Variants in FAM135B observed in about 807,000 individuals in gnomAD.
FAM135B encodes the protein protein FAM135B.
FAM135B carries 43 observed loss-of-function variants against 127.7 expected under a neutral mutation model. The ratio of observed to expected loss-of-function variants is 0.34; its 90% CI spans 0.26 to 0.43. FAM135B has a LOEUF of 0.43. FAM135B is among the 20% of genes least tolerant of loss of function. The probability of loss-of-function intolerance (pLI) is 1.00; values close to 1 mark genes in which losing one functional copy is unlikely to be tolerated. For synonymous variants in FAM135B, 670 were observed against 665.1 expected (o/e 1.01, Z -0.11); for missense variants, 1,558 against 1,725.6 (o/e 0.90, Z 1.72).
chr8:138,337,431 T>G (rs1378314516), intron 2 of FAM135B, among the ~76,000 whole-genome samples: 3 of 151,914 alleles, frequency 2.0e-5, no homozygotes, highest in Non-Finnish European at 4.4e-5. Context: ...AAAATCAATG[T>G]ACAAAAATCA....
chr8:138,178,687 A>G lies in FAM135B; in HGVS notation c.877T>C (p.Leu293=). 6.2e-7 allele frequency: 1 copy of G among 1,605,956 alleles called. No individual in the cohort carries two copies. Among genetic ancestry groups the G allele is most frequent in the Non-Finnish European group, 8.5e-7 (1 of 1,175,756 alleles). The stretch of plus-strand genomic sequence containing the variant: ...TCAGCGATCTTCTCTGGATTGTTCA[A>G]CATCTGGAGAGGCAAAAAAGGTGGT... The part of the protein sequence containing the change: ...LSQLCSELQM[L]NNPEKIAEQI... Residue 293 remains leucine, a synonymous_variant, in exon 10 of 20, where the codon TTG becomes CTG. Transcript: ENST00000395297.
At chr8:138,485,679 G>A (rs1814956457) in intron 1 of FAM135B, among the ~76,000 whole-genome samples, 1 of 152,084 alleles carries the variant, frequency 6.6e-6, no homozygotes, top group African/African-American at 2.4e-5. Flanking sequence ...TCAGGTTATT[G>A]GGAAAAGTAC....
At chr8:138,448,080 G>A (rs1836292866) in intron 1 of FAM135B, among the ~76,000 whole-genome samples, 1 of 151,576 alleles carries the variant, frequency 6.6e-6, no homozygotes, top group African/African-American at 2.4e-5. Flanking sequence ...GAAGTCATAT[G>A]GCACAGAGCA....
intron 9 of FAM135B, among the ~76,000 whole-genome samples, chr8:138,193,916 G>A (rs1407132696): frequency 2.0e-5 from 3 of 152,206 alleles, no homozygotes. Flanking sequence ...TGGCTTTGAC[G>A]CTTCTGGCCC....
chr8:138,453,979 T>C (rs916772898), intron 1 of FAM135B, among the ~76,000 whole-genome samples: 15 of 151,330 alleles, frequency 9.9e-5, no homozygotes, highest in African/African-American at 3.6e-4. Flanking sequence ...TTGGGGAGAG[T>C]GTGTGGCTTT....
intron 2 of FAM135B, among the ~76,000 whole-genome samples, chr8:138,319,351 C>T (rs191255899): frequency 2.1e-4 from 32 of 152,270 alleles, no homozygotes; most frequent in African/African-American, 7.2e-4. Context: ...AGGTGATCTC[C>T]CTGCCTTGGC....
At chr8:138,290,032 AC>A (rs1824987022) in intron 3 of FAM135B, among the ~76,000 whole-genome samples, 1 of 152,202 alleles carries the variant, frequency 6.6e-6, no homozygotes, top group Non-Finnish European at 1.5e-5. Context: ...TGTCAGGAAG[AC>A]ATTCTCCAGA....
At chr8:138,447,929 C>G (rs11166823) in intron 1 of FAM135B, among the ~76,000 whole-genome samples, 56,722 of 151,414 alleles carry the variant, frequency 0.37, 11,805 homozygotes, top group Non-Finnish European at 0.48. Context: ...CTGTATCATA[C>G]GTGACCATAC....
At chr8:138,484,382 C>T (rs73444347) in intron 1 of FAM135B, among the ~76,000 whole-genome samples, 15,163 of 152,128 alleles carry the variant, frequency 0.1, 1,962 homozygotes, top group African/African-American at 0.3. Flanking sequence ...TGATTTATAG[C>T]TGAATTTTGA....
Position 138,243,069 on chromosome 8 carries a change from C to G in FAM135B, c.543-1G>C, listed in dbSNP as rs80153073. 6.2e-7 allele frequency: 1 copy of G among 1,606,018 alleles called. No individual in the cohort carries two copies. The highest frequency in any genetic ancestry group is 8.5e-7 in the Non-Finnish European group (1 of 1,177,250). On this transcript the variant is annotated splice_acceptor_variant, in intron 6 of 19. Transcript: ENST00000395297. LOFTEE classifies it high-confidence loss of function. The surrounding 1 kb of genome is among the most constrained non-coding windows in gnomAD (Gnocchi z 7.5). ...GGAGCCTCTTCCTGGACGAGTAAAACTAAACAAAAGATAATTGAAAGGGTG... is the reference window on the plus strand; with the variant it reads ...GGAGCCTCTTCCTGGACGAGTAAAAGTAAACAAAAGATAATTGAAAGGGTG...
Position 138,172,020 on chromosome 8 carries a change from G to A in FAM135B, c.1104-3971C>T, listed in dbSNP as rs116401302. Among the ~76,000 whole-genome samples, 820 of 152,288 alleles carry A rather than the reference G, an allele frequency of 5.4e-3. 6 individuals carry two copies. The highest frequency in any genetic ancestry group is 0.018 in the African/African-American group (738 of 41,554). The stretch of plus-strand genomic sequence containing the variant: ...GGGAATGTTATTGCTGCATGCACAA[G>A]TGCATGTTTACGTGTATGTGTTTTC... On this transcript the variant is annotated intron_variant, in intron 11 of 19. Transcript: ENST00000395297.
At chr8:138,331,867 A>G (rs1427559728) in intron 2 of FAM135B, among the ~76,000 whole-genome samples, 1 of 152,196 alleles carries the variant, frequency 6.6e-6, no homozygotes, top group Non-Finnish European at 1.5e-5. Flanking sequence ...TGTTGTGTCC[A>G]TGATGGGCTG....
intron 3 of FAM135B, among the ~76,000 whole-genome samples, chr8:138,277,507 C>G (rs944437729): frequency 6.6e-6 from 1 of 152,154 alleles, no homozygotes; most frequent in Non-Finnish European, 1.5e-5. Context: ...AAATGCAGAA[C>G]AGAAGGGTTT....
intron 1 of FAM135B, among the ~76,000 whole-genome samples, chr8:138,389,382 A>G (rs1587322879): frequency 6.6e-6 from 1 of 152,380 alleles, no homozygotes; most frequent in South Asian, 2.1e-4. Flanking sequence ...AGCATTATTC[A>G]CAATAGACAA....
chr8:138,190,913 A>T (rs1361574058), intron 9 of FAM135B, among the ~76,000 whole-genome samples: 1 of 152,150 alleles, frequency 6.6e-6, no homozygotes, highest in Non-Finnish European at 1.5e-5. Flanking sequence ...TTTTTGGACC[A>T]AACCAATGCA....
At chr8:138,213,603 T>C (rs974789426) in intron 7 of FAM135B, among the ~76,000 whole-genome samples, 1 of 152,032 alleles carries the variant, frequency 6.6e-6, no homozygotes, top group Admixed American at 6.6e-5. Context: ...TTTTAGCTTG[T>C]TAAGGATCAG....
At chr8:138,416,858 T>A (rs1420593882) in intron 1 of FAM135B, among the ~76,000 whole-genome samples, 1 of 151,978 alleles carries the variant, frequency 6.6e-6, no homozygotes, top group East Asian at 1.9e-4. Context: ...AAGCCCTGCA[T>A]GGAGTTGCCA....
At chr8:138,365,035 T>G (rs1254129367) in intron 2 of FAM135B, among the ~76,000 whole-genome samples, 1 of 152,076 alleles carries the variant, frequency 6.6e-6, no homozygotes, top group South Asian at 2.1e-4. Flanking sequence ...TTGGTAGAGA[T>G]GGACTTTCAC....
intron 11 of FAM135B, among the ~76,000 whole-genome samples, chr8:138,177,024 G>A (rs950924922): frequency 2.6e-5 from 4 of 152,188 alleles, no homozygotes; most frequent in African/African-American, 9.7e-5. Context: ...GACATAGTTT[G>A]AGGCCACACC....
Sources: gnomAD v4.1 joint callset for allele counts (sites outside exome capture counted in the v4.1 genomes callset) on GRCh38, gnomAD v4.1.1 for gene constraint, Gnocchi (gnomAD v3.1) non-coding constraint, MANE v1.5 for transcripts, NCBI Gene and HGNC (gene_info 2026-07-23, HGNC 2026-07-21) for gene names.